SCML2: variants seen among roughly 807,000 people sequenced by gnomAD.
SCML2 encodes the protein Scm polycomb group protein like 2.
A neutral mutation model predicts 48.4 loss-of-function variants in SCML2; 6 were observed. The ratio of observed to expected loss-of-function variants is 0.12; its 90% CI spans 0.07 to 0.24. The LOEUF is 0.24. Among genes scored for constraint, SCML2 ranks in the 10% least tolerant of loss-of-function variants. The probability of loss-of-function intolerance (pLI) is 1.00; values close to 1 mark genes in which losing one functional copy is unlikely to be tolerated. For missense variants in SCML2, 377 were observed against 528.2 expected, an observed-to-expected ratio of 0.71 and a Z score of 2.81; for synonymous variants, 181 against 189.5, an observed-to-expected ratio of 0.95 and a Z score of 0.37.
intron 11 of SCML2, among the ~76,000 whole-genome samples, chrX:18,253,848 G>C (rs1217458715): frequency 2.7e-5 from 3 of 112,016 alleles, no homozygotes; most frequent in Non-Finnish European, 5.6e-5. Flanking sequence ...CTAACTATAT[G>C]CAACAATACA....
intron 7 of SCML2, among the ~76,000 whole-genome samples, chrX:18,299,646 A>G (rs1221458403): frequency 9.0e-6 from 1 of 111,361 alleles, no homozygotes. Context: ...CAAAACCACA[A>G]TGAGTTATCA....
intron 5 of SCML2, 136 bp from the exon 6 acceptor site, chrX:18,320,556 C>T (rs1929282043): frequency 2.6e-6 from 1 of 386,297 alleles, no homozygotes. Context: ...TGAACATGGG[C>T]AAGAGGAGCA....
At chrX:18,304,134 G>A (rs1375218878) in intron 7 of SCML2, among the ~76,000 whole-genome samples, 1 of 111,619 alleles carries the variant, frequency 9.0e-6, no homozygotes, top group Admixed American at 9.5e-5. Flanking sequence ...CCACCCTCTA[G>A]GTTCAAGCTA....
intron 11 of SCML2, among the ~76,000 whole-genome samples, chrX:18,256,366 C>T (rs943378688): frequency 3.6e-5 from 4 of 111,180 alleles, no homozygotes; most frequent in East Asian, 2.8e-4. Flanking sequence ...ACAGGAAGAT[C>T]GATTGAATCT....
intron 7 of SCML2, among the ~76,000 whole-genome samples, chrX:18,282,324 C>G (rs769694069): frequency 9.1e-6 from 1 of 109,546 alleles, no homozygotes; most frequent in Non-Finnish European, 1.9e-5. Flanking sequence ...TATAAAAGAT[C>G]CTCAGAGAAT....
intron 1 of SCML2, among the ~76,000 whole-genome samples, chrX:18,340,192 T>C (rs907887469): frequency 2.7e-5 from 3 of 110,750 alleles, no homozygotes; most frequent in African/African-American, 6.6e-5. Flanking sequence ...GGTGGGAGGA[T>C]TGCTTGAACT....
chrX:18,307,231 G>A (rs1345833253), intron 6 of SCML2, among the ~76,000 whole-genome samples: 1 of 109,619 alleles, frequency 9.1e-6, no homozygotes, highest in Non-Finnish European at 1.9e-5. Context: ...AGGCCGCGGC[G>A]AGCCGTGTTC....
intron 6 of SCML2, among the ~76,000 whole-genome samples, chrX:18,319,632 C>G (rs1220292774): frequency 9.2e-6 from 1 of 108,964 alleles, no homozygotes; most frequent in East Asian, 2.9e-4. Flanking sequence ...CCTGCTGACA[C>G]CTTGATCTCA....
chrX:18,247,193 C>T (rs1018492187), intron 12 of SCML2, among the ~76,000 whole-genome samples: 1 of 111,108 alleles, frequency 9.0e-6, no homozygotes, highest in African/African-American at 3.3e-5. Flanking sequence ...GACAGGGTTT[C>T]ATCATGTTGG....
At chrX:18,344,043 T>G (rs1244303762) in intron 1 of SCML2, among the ~76,000 whole-genome samples, 1 of 109,869 alleles carries the variant, frequency 9.1e-6, no homozygotes, top group Non-Finnish European at 1.9e-5. Flanking sequence ...AATAAAAATT[T>G]TTTTAAAAGA....
At chrX:18,266,794 C>T (rs191130011) in intron 7 of SCML2, among the ~76,000 whole-genome samples, 9 of 111,913 alleles carry the variant, frequency 8.0e-5, no homozygotes, top group Admixed American at 2.8e-4. Flanking sequence ...ATCTTTCCTA[C>T]GGCCTTTTCA....
In SCML2 at chrX:18,334,114, A is replaced by G. The variant is rs375237354; in HGVS notation, c.-24-19T>C. The G allele has an allele frequency of 9.3e-7, 1 of 1,080,353 alleles. No individual in the cohort carries two copies. 89.0% of individuals were successfully genotyped at this position (1,080,353 alleles called of 1,213,427 possible). A position where few individuals can be genotyped will look rare whatever the true frequency, so the allele number is the denominator to read the frequency against. On this transcript the variant is annotated intron_variant, in intron 1 of 14. Transcript: ENST00000251900. ...TTGTTTCCTACAAGGAGAAAAACCAATTAATGCCTCCTTTTAGCATATTAG... is the reference window on the plus strand; with the variant it reads ...TTGTTTCCTACAAGGAGAAAAACCAGTTAATGCCTCCTTTTAGCATATTAG...
chrX:18,252,832 A>G (rs1346887991), intron 11 of SCML2, among the ~76,000 whole-genome samples: 1 of 112,499 alleles, frequency 8.9e-6, no homozygotes, highest in African/African-American at 3.2e-5. Context: ...GGAGTGACAA[A>G]TCAGAAACTC....
At chrX:18,317,338 C>T (rs1326080269) in intron 6 of SCML2, among the ~76,000 whole-genome samples, 3 of 111,860 alleles carry the variant, frequency 2.7e-5, no homozygotes, top group Non-Finnish European at 5.6e-5. Flanking sequence ...CCCAATCATC[C>T]ATCCTTACAG....
intron 6 of SCML2, among the ~76,000 whole-genome samples, chrX:18,315,095 T>C (rs1349620527): frequency 1.4e-5 from 1 of 71,936 alleles, no homozygotes; most frequent in Non-Finnish European, 2.4e-5. Flanking sequence ...GGAGACTCTG[T>C]CTCACCAAAA....
At chrX:18,248,534 G>T (rs1032649342) in intron 11 of SCML2, among the ~76,000 whole-genome samples, 3 of 112,299 alleles carry the variant, frequency 2.7e-5, no homozygotes, top group Admixed American at 9.5e-5. Context: ...AGATTGCAAT[G>T]AGTATCAAAG....
intron 7 of SCML2, among the ~76,000 whole-genome samples, chrX:18,297,340 G>C (rs1357828496): frequency 8.9e-6 from 1 of 112,062 alleles, no homozygotes; most frequent in Non-Finnish European, 1.9e-5. Flanking sequence ...CCCACTTTCA[G>C]CACTCCTATT....
chrX:18,325,745 A>C (rs1929458685), intron 3 of SCML2, among the ~76,000 whole-genome samples: 1 of 112,052 alleles, frequency 8.9e-6, no homozygotes, highest in Non-Finnish European at 1.9e-5. Context: ...TGAGAAAAAG[A>C]CTTGACAGTA....
chrX:18,281,666 C>T (rs1288323039), intron 7 of SCML2, among the ~76,000 whole-genome samples: 1 of 99,898 alleles, frequency 1.0e-5, no homozygotes, highest in African/African-American at 3.8e-5. Flanking sequence ...GAGCTGAGAT[C>T]GCACCACTGC....
Sources: gnomAD v4.1 joint callset for allele counts (sites outside exome capture counted in the v4.1 genomes callset) on GRCh38, gnomAD v4.1.1 for gene constraint, MANE v1.5 for transcripts, NCBI Gene and HGNC (gene_info 2026-07-23, HGNC 2026-07-21) for gene names.